The following ZNF177 variants were observed in gnomAD, a reference collection of about 807,000 sequenced individuals.
The protein encoded by ZNF177 is zinc finger protein 177.
ZNF177 carries 17 observed loss-of-function variants against 19.4 expected under a neutral mutation model. The observed-to-expected ratio is 0.87, with a 90% CI of 0.60 to 1.31. The LOEUF (loss-of-function observed/expected upper bound fraction) is 1.31. ZNF177 is among the 40% of genes most tolerant of loss of function. ZNF177 has a pLI of 0.00. For synonymous variants in ZNF177, 220 were observed against 188.7 expected, an observed-to-expected ratio of 1.17 and a Z score of -1.36; for missense variants, 633 against 561.8, an observed-to-expected ratio of 1.13 and a Z score of -1.28.
intron 2 of ZNF177, 55 bp downstream of exon 4, chr19:9,378,399 A>C: frequency 6.2e-7 from 1 of 1,609,394 alleles, no homozygotes; most frequent in Non-Finnish European, 8.5e-7. Flanking sequence ...TGAAAAGAAC[A>C]CATCTCTTGC....
intron 5 of ZNF177, 71 bp downstream of exon 7, chr19:9,380,210 A>T (rs1371364411): frequency 3.4e-6 from 5 of 1,488,886 alleles, no homozygotes; most frequent in Non-Finnish European, 4.5e-6. Context: ...TTAAAACATC[A>T]GCACCCAAAG....
upstream of ZNF177, among the ~76,000 whole-genome samples, chr19:9,371,933 AT>A (rs1467048307): frequency 1.3e-5 from 2 of 152,096 alleles, no homozygotes; most frequent in Non-Finnish European, 2.9e-5. Flanking sequence ...ATCCATTCAA[AT>A]TTTTATTAAG....
At chr19:9,367,660 T>A (rs1447880023) in intron 2 of ZNF177, among the ~76,000 whole-genome samples, 1 of 152,248 alleles carries the variant, frequency 6.6e-6, no homozygotes, top group South Asian at 2.1e-4. Context: ...ATGTTTGATA[T>A]CAGTATGCCA....
upstream of ZNF177, among the ~76,000 whole-genome samples, chr19:9,374,956 T>C (rs965021167): frequency 6.6e-6 from 1 of 152,190 alleles, no homozygotes; most frequent in Non-Finnish European, 1.5e-5. Context: ...TTTTTTATAA[T>C]TGGCTGTAAG....
rs780111821 is a variant in ZNF177 at position 9,381,734 on chromosome 19, T to C, written c.1403T>C (p.Ile468Thr). ...GCCTTTAGCACAAGCACTAACCTTA[T>C]AATGCACAAGCGAATCCACAATGGC... The change falls in exon 6 of 6, where the codon ATA (isoleucine) becomes ACA (threonine). Residue 468 changes from isoleucine (I) to threonine (T), a missense_variant. Coordinates refer to ENST00000589262, the Ensembl canonical transcript of ZNF177. 2.4e-5 allele frequency: 39 copies of C among 1,611,482 alleles called. 1 individual carries two copies. In the South Asian group the frequency reaches 3.5e-4, roughly 15 times the overall value.
chr19:9,376,962 T>A (rs1376085123), intron 1 of ZNF177, among the ~76,000 whole-genome samples: 1 of 152,214 alleles, frequency 6.6e-6, no homozygotes, highest in Non-Finnish European at 1.5e-5. Flanking sequence ...CCATTACTGA[T>A]GAAGCCCCTC....
chr19:9,375,795 A>T (rs1484140358), upstream of ZNF177, among the ~76,000 whole-genome samples: 1 of 152,032 alleles, frequency 6.6e-6, no homozygotes, highest in African/African-American at 2.4e-5. Flanking sequence ...GATCTTTTCT[A>T]TTGTCTTCCT....
intron 1 of ZNF177, among the ~76,000 whole-genome samples, chr19:9,363,459 G>T (rs1397956826): frequency 6.6e-6 from 1 of 152,198 alleles, no homozygotes; most frequent in Admixed American, 6.5e-5. Flanking sequence ...GCGCGTTATT[G>T]GTTTGTGGAG....
Position 9,380,140 on chromosome 19 carries a change from G to A in ZNF177, c.336+1G>A. Reference sequence around the variant, plus strand: ...AAAAACATCCAATGGCATAAACACGGTAAGACTTACTAGGAAGTATTCCTG... The same window carrying A: ...AAAAACATCCAATGGCATAAACACGATAAGACTTACTAGGAAGTATTCCTG... On this transcript the variant is annotated splice_donor_variant, in intron 5 of 5. Coordinates refer to ENST00000589262, the Ensembl canonical transcript of ZNF177. LOFTEE classifies it high-confidence loss of function. 1 of 1,604,468 alleles carries A rather than the reference G, an allele frequency of 6.2e-7. No individual in the cohort carries two copies. Among genetic ancestry groups the A allele is most frequent in the Non-Finnish European group, 8.5e-7 (1 of 1,177,806 alleles).
chr19:9,379,266 C>G, intron 3 of ZNF177, 178 bp downstream of exon 5: 4 of 1,188,974 alleles, frequency 3.4e-6, no homozygotes, highest in Middle Eastern at 2.7e-4. Context: ...TTCATTTTCT[C>G]TATCACTAAT....
intron 2 of ZNF177, among the ~76,000 whole-genome samples, chr19:9,369,883 AAT>A (rs760969163): frequency 7.9e-5 from 12 of 152,016 alleles, no homozygotes; most frequent in Non-Finnish European, 1.8e-4. Flanking sequence ...CCTCCTTCCC[AAT>A]TTATATATTA....
intron 2 of ZNF177, among the ~76,000 whole-genome samples, chr19:9,369,117 A>G (rs937171407): frequency 5.9e-5 from 9 of 152,106 alleles, no homozygotes; most frequent in African/African-American, 2.2e-4. Context: ...TGTGTGCTTC[A>G]AGAATCTATG....
At chr19:9,381,996 A>G in exon 6 of ZNF177, 1 of 646,760 alleles carries the variant, frequency 1.5e-6, no homozygotes, top group South Asian at 3.2e-5. Flanking sequence ...TCCTATGAAT[A>G]TTTTAGTTAT....
At chr19:9,379,203 G>C in intron 3 of ZNF177, 115 bp downstream of exon 5, 5 of 1,432,092 alleles carry the variant, frequency 3.5e-6, no homozygotes, top group Non-Finnish European at 4.6e-6. Flanking sequence ...CAAAATGAAT[G>C]GTCCCTGCCC....
At position 9,379,498 on chromosome 19, in the gene ZNF177, T is replaced by A. The variant is rs373322939; in HGVS notation, c.161-29T>A. On this transcript the variant is annotated intron_variant, in intron 3 of 5. Transcript: ENST00000589262. ...GGAATATTTAATTCTCACACATTTC[T>A]CCCACATCCTTGCTTTCTGCGTGAG... The A allele has an allele frequency of 3.7e-6, 6 of 1,605,112 alleles. No individual in the cohort carries two copies. The African/African-American group carries it at 8.0e-5, about 21-fold the overall frequency.
At chr19:9,371,915 TAATCTA>T (rs2068051352), upstream of ZNF177, among the ~76,000 whole-genome samples, 1 of 152,210 alleles carries the variant, frequency 6.6e-6, no homozygotes, top group African/African-American at 2.4e-5. Flanking sequence ...TATAGTATCT[TAATCTA>T]TATCCATTCA....
chr19:9,377,610 C>T (rs948738291), intron 1 of ZNF177, among the ~76,000 whole-genome samples: 3 of 152,030 alleles, frequency 2.0e-5, no homozygotes, highest in Admixed American at 6.6e-5. Context: ...TAAAATCGGG[C>T]AGGCAAAAAG....
At chr19:9,379,227 C>A in intron 3 of ZNF177, 139 bp downstream of exon 5, 1 of 1,342,636 alleles carries the variant, frequency 7.4e-7, no homozygotes, top group South Asian at 1.7e-5. Flanking sequence ...AGGGGGCAGT[C>A]CAGTGGCTTC....
chr19:9,381,832 A>G (rs1228054705), exon 6 of ZNF177: 3 of 1,532,872 alleles, frequency 2.0e-6, no homozygotes, highest in African/African-American at 2.8e-5. Flanking sequence ...ACTTTAGAAC[A>G]TATATTGGAG....
Sources: allele counts gnomAD v4.1 joint callset (sites outside exome capture counted in the v4.1 genomes callset), GRCh38; gene constraint gnomAD v4.1.1; transcripts MANE v1.5; gene names NCBI Gene and HGNC (gene_info 2026-07-23, HGNC 2026-07-21).